Variants in MED26 observed in about 807,000 individuals in gnomAD.
MED26 encodes the protein mediator of RNA polymerase II transcription subunit 26.
MED26 carries 7 observed loss-of-function variants against 43.7 expected under a neutral mutation model. The ratio of observed to expected loss-of-function variants is 0.16; its 90% CI spans 0.09 to 0.30. The LOEUF (loss-of-function observed/expected upper bound fraction) is 0.30. Ranked by LOEUF, MED26 falls within the 10% of genes least tolerant of loss-of-function variation. MED26 has a pLI of 1.00. For missense variants in MED26, 784 were observed against 840.6 expected, an observed-to-expected ratio of 0.93 and a Z score of 0.83; for synonymous variants, 375 against 371.1, an observed-to-expected ratio of 1.01 and a Z score of -0.12.
chr19:16,597,357 T>C (rs533030717), intron 1 of MED26: 4 of 398,592 alleles, frequency 1.0e-5, no homozygotes, highest in African/African-American at 4.1e-5. Flanking sequence ...GATCCCAGTA[T>C]GACACATTCT....
chr19:16,615,553 C>A lies in MED26; in HGVS notation c.72+12319G>T, dbSNP rs762006407. ...CCTGAGGTCAGGAGTTCGAGACCAG[C>A]CTGGCCAACATGACAAAACCCTGTT... On this transcript the variant is annotated intron_variant, in intron 1 of 2. Coordinates refer to ENST00000263390, the MANE Select transcript of MED26 (RefSeq NM_004831.5). Among the ~76,000 whole-genome samples the A allele has an allele frequency of 3.3e-5, 5 of 152,148 alleles. No individual in the cohort carries two copies. The East Asian group carries it at 9.6e-4, about 29-fold the overall frequency.
chr19:16,612,409 C>A (rs185080079), intron 1 of MED26, among the ~76,000 whole-genome samples: 5 of 152,232 alleles, frequency 3.3e-5, no homozygotes, highest in African/African-American at 1.2e-4. Context: ...CTCAGCCTCC[C>A]GAGTAGCTGG....
chr19:16,582,653 G>A lies in MED26; in HGVS notation c.73-4244C>T, dbSNP rs796282889. Among the ~76,000 whole-genome samples, 38 of 152,284 alleles carry A rather than the reference G, an allele frequency of 2.5e-4. 1 individual carries two copies. The highest frequency in any genetic ancestry group is 8.9e-4 in the African/African-American group (37 of 41,570). Reference sequence around the variant, plus strand: ...GGGGAGGCTCCCGCTCTGACTCCAGGCCTGCTAAGTCCAGCATGAACCCTC... The same window carrying A: ...GGGGAGGCTCCCGCTCTGACTCCAGACCTGCTAAGTCCAGCATGAACCCTC... On this transcript the variant is annotated intron_variant, in intron 1 of 2. Coordinates refer to ENST00000263390, the MANE Select transcript of MED26 (RefSeq NM_004831.5).
chr19:16,578,076 T>G (rs547292779), intron 2 of MED26: 1 of 534,086 alleles, frequency 1.9e-6, no homozygotes, highest in East Asian at 3.4e-5. Flanking sequence ...CACTGGAGCC[T>G]CCTCCAAGCA....
rs1568277454 is a variant in MED26, at chr19:16,575,274, A to G, written c.*753T>C. On this transcript the variant is annotated 3_prime_UTR_variant, in exon 3 of 3. Transcript: ENST00000263390. Reference sequence around the variant, plus strand: ...GGGAAAAAAGAAAAGGGAGGAAGAAAGGAAAGGTTTTTTTGTCTGGTGGTC... The same window carrying G: ...GGGAAAAAAGAAAAGGGAGGAAGAAGGGAAAGGTTTTTTTGTCTGGTGGTC... 6.5e-6 allele frequency: 1 copy of G among 152,700 alleles called. No individual in the cohort carries two copies. The highest frequency in any genetic ancestry group is 1.5e-5 in the Non-Finnish European group (1 of 68,046). 9.5% of individuals were successfully genotyped at this position (152,700 alleles called of 1,614,324 possible). A position where few individuals can be genotyped will look rare whatever the true frequency, so the allele number is the denominator to read the frequency against.
chr19:16,577,937 AG>A lies in MED26; in HGVS notation c.148-256del. 1 of 469,832 alleles carries A rather than the reference AG, an allele frequency of 2.1e-6. No homozygotes were observed. 29.1% of individuals were successfully genotyped at this position (469,832 alleles called of 1,614,324 possible). On this transcript the variant is annotated intron_variant, in intron 2 of 2. Coordinates refer to ENST00000263390, the MANE Select transcript of MED26 (RefSeq NM_004831.5). The surrounding 1 kb of genome is among the most constrained non-coding windows in gnomAD (Gnocchi z 8.1). ...TGCTGTCACCCAGGCTCCTGGTGTC[AG>A]GGGGCTGTGGACCATCAAGGCCACT...
At chr19:16,602,180 C>A (rs768199291) in intron 1 of MED26, among the ~76,000 whole-genome samples, 3 of 152,192 alleles carry the variant, frequency 2.0e-5, no homozygotes, top group Non-Finnish European at 2.9e-5. Context: ...CACGCTGTAC[C>A]CATTCTGGGA....
intron 1 of MED26, among the ~76,000 whole-genome samples, chr19:16,623,002 AC>A (rs1411146592): frequency 6.6e-6 from 1 of 152,148 alleles, no homozygotes; most frequent in Non-Finnish European, 1.5e-5. Flanking sequence ...GGCTGACGTG[AC>A]CATGGTGCCT....
intron 1 of MED26, among the ~76,000 whole-genome samples, chr19:16,591,217 G>C (rs2086096212): frequency 6.6e-6 from 1 of 152,130 alleles, no homozygotes; most frequent in African/African-American, 2.4e-5. Context: ...TGCCACCTGG[G>C]TTTGTCCTCC....
chr19:16,577,656 G>A lies in MED26; in HGVS notation c.174C>T (p.Asn58=), dbSNP rs771242857. ...LEETRLGKLI[N]DVRKKTKNEE... The stretch of plus-strand genomic sequence containing the variant: ...CGTTCTTGGTTTTCTTGCGGACGTC[G>A]TTGATGAGCTTCCCAAGTCGTGTTT... Residue 58 remains asparagine (N), a synonymous_variant, in exon 3 of 3, where the codon AAC becomes AAT. Coordinates refer to ENST00000263390, the MANE Select transcript of MED26 (RefSeq NM_004831.5). The surrounding 1 kb of genome is among the most constrained non-coding windows in gnomAD (Gnocchi z 8.1). 5.7e-6 allele frequency: 9 copies of A among 1,578,670 alleles called. No individual in the cohort carries two copies. The highest frequency in any genetic ancestry group is 5.6e-5 in the South Asian group (5 of 89,218).
chr19:16,600,790 A>G (rs2086144839), intron 1 of MED26, among the ~76,000 whole-genome samples: 1 of 152,088 alleles, frequency 6.6e-6, no homozygotes, highest in Non-Finnish European at 1.5e-5. Context: ...ATCAGGCACT[A>G]TTTTATTTAT....
chr19:16,581,904 T>C (rs566709109), intron 1 of MED26, among the ~76,000 whole-genome samples: 1 of 152,352 alleles, frequency 6.6e-6, no homozygotes, highest in South Asian at 2.1e-4. Flanking sequence ...CCGTGTGAGC[T>C]GCTCACCTGA....
intron 1 of MED26, among the ~76,000 whole-genome samples, chr19:16,597,074 G>A (rs2086123272): frequency 6.6e-6 from 1 of 152,208 alleles, no homozygotes. Flanking sequence ...AGAACACCAA[G>A]CCTGAGCCCG....
intron 1 of MED26, among the ~76,000 whole-genome samples, chr19:16,613,721 C>CT (rs1430595982): frequency 6.6e-6 from 1 of 152,212 alleles, no homozygotes; most frequent in Non-Finnish European, 1.5e-5. Flanking sequence ...TGGGATAATT[C>CT]TTAGCACAGA....
At chr19:16,595,177 G>A (rs1164961909) in intron 1 of MED26, among the ~76,000 whole-genome samples, 2 of 152,126 alleles carry the variant, frequency 1.3e-5, no homozygotes, top group African/African-American at 4.8e-5. Context: ...GTGCCTCTGC[G>A]TTGGACCCCT....
In MED26 at chr19:16,577,267, C is replaced by G; in HGVS notation, c.563G>C (p.Ser188Thr). 1 of 1,612,834 alleles carries G rather than the reference C, an allele frequency of 6.2e-7. No individual in the cohort carries two copies. Residue 188 changes from serine to threonine, a missense_variant, in exon 3 of 3, where the codon AGT (serine) becomes ACT (threonine). Ser to Thr is a moderately conservative substitution (Grantham distance 58). Transcript: ENST00000263390. This position sits in a 1 kb window ranked among gnomAD's most constrained non-coding sequence, Gnocchi z 8.1. ...SPLPTNGISG[S>T]PESFASSLDG... ...CAGGGAGCTGGCGAAGCTCTCTGGA[C>G]TCCCACTGATCCCGTTGGTGGGGAG...
chr19:16,605,831 T>C (rs1203986231), intron 1 of MED26, among the ~76,000 whole-genome samples: 1 of 152,120 alleles, frequency 6.6e-6, no homozygotes, highest in African/African-American at 2.4e-5. Context: ...GGATGACCCT[T>C]GGAAATGAAC....
At chr19:16,584,658 C>T (rs1399001748) in intron 1 of MED26, among the ~76,000 whole-genome samples, 2 of 152,246 alleles carry the variant, frequency 1.3e-5, no homozygotes, top group Admixed American at 6.5e-5. Flanking sequence ...CACGCATCCT[C>T]GTCTTTCAGT....
At chr19:16,580,402 C>G (rs1362060183) in intron 1 of MED26, among the ~76,000 whole-genome samples, 1 of 151,418 alleles carries the variant, frequency 6.6e-6, no homozygotes, top group Non-Finnish European at 1.5e-5. Context: ...AAGTTTCACT[C>G]TTGTCGCCCA....
Sources: allele counts gnomAD v4.1 joint callset (sites outside exome capture counted in the v4.1 genomes callset), GRCh38; gene constraint gnomAD v4.1.1; non-coding constraint Gnocchi (gnomAD v3.1); transcripts MANE v1.5; gene names NCBI Gene and HGNC (gene_info 2026-07-23, HGNC 2026-07-21).